The following VIT variants were observed in gnomAD, a reference collection of about 807,000 sequenced individuals.
VIT encodes vitrin.
A neutral mutation model predicts 78.0 loss-of-function variants in VIT; 99 were observed. The ratio of observed to expected loss-of-function variants is 1.27; its 90% CI spans 1.08 to 1.50. The LOEUF (loss-of-function observed/expected upper bound fraction) is 1.50. Among genes scored for constraint, VIT ranks in the 40% most tolerant of loss-of-function variants. The probability of loss-of-function intolerance (pLI) is 0.00; values close to 1 mark genes in which losing one functional copy is unlikely to be tolerated. For synonymous variants in VIT, 374 were observed against 334.3 expected (o/e 1.12, Z -1.29); for missense variants, 1,126 against 875.3 (o/e 1.29, Z -3.61).
At chr2:36,721,815 C>T (rs1171367193) in intron 2 of VIT, among the ~76,000 whole-genome samples, 1 of 152,242 alleles carries the variant, frequency 6.6e-6, no homozygotes, top group Non-Finnish European at 1.5e-5. Context: ...CTCCAGGAAG[C>T]TTCCCTCCAC....
In VIT at chr2:36,728,146, G is replaced by A. The variant is rs192099903; in HGVS notation, c.53-1280G>A. ...GGGTTTCACCATGTTGGCCACACTC[G>A]TCTCAAACTCCTGACCTCAGGCGAT... On this transcript the variant is annotated intron_variant, in intron 2 of 15. Coordinates refer to ENST00000379242, the MANE Select transcript of VIT (RefSeq NM_053276.4). Among the ~76,000 whole-genome samples the A allele has an allele frequency of 1.3e-3, 201 of 151,854 alleles. 1 individual carries two copies. Among genetic ancestry groups the A allele is most frequent in the African/African-American group, 4.7e-3 (193 of 41,378 alleles).
chr2:36,734,992 C>T (rs1478895269), intron 3 of VIT, among the ~76,000 whole-genome samples: 2 of 151,938 alleles, frequency 1.3e-5, no homozygotes, highest in African/African-American at 2.4e-5. Context: ...GATGAAACCC[C>T]GTCTCTACTA....
At chr2:36,760,013 T>G (rs78518761) in intron 6 of VIT, among the ~76,000 whole-genome samples, 8 of 150,190 alleles carry the variant, frequency 5.3e-5, no homozygotes, top group East Asian at 2.0e-4. Context: ...TTTCTTTTTT[T>G]GAGACGGAGT....
chr2:36,700,405 G>A (rs987030216), intron 1 of VIT, among the ~76,000 whole-genome samples: 8 of 151,930 alleles, frequency 5.3e-5, no homozygotes, highest in Admixed American at 3.3e-4. Flanking sequence ...TGGCGGTGGT[G>A]GTGGCGATGT....
At chr2:36,721,717 G>C (rs1184164262) in intron 2 of VIT, among the ~76,000 whole-genome samples, 1 of 151,072 alleles carries the variant, frequency 6.6e-6, no homozygotes, top group Non-Finnish European at 1.5e-5. Flanking sequence ...GATTTCCCTG[G>C]GGAATGCATC....
chr2:36,702,817 T>C (rs1665148502), intron 1 of VIT, among the ~76,000 whole-genome samples: 1 of 152,184 alleles, frequency 6.6e-6, no homozygotes, highest in East Asian at 1.9e-4. Context: ...CCTCCCCTAC[T>C]GCGTTGGGGA....
intron 4 of VIT, among the ~76,000 whole-genome samples, chr2:36,750,852 T>C (rs1296990087): frequency 6.6e-6 from 1 of 152,000 alleles, no homozygotes; most frequent in Admixed American, 6.6e-5. Context: ...AAATAACATG[T>C]AATCTTTTGC....
rs1235603536 is a variant in VIT at position 36,767,143 on chromosome 2, A to G, written c.537A>G (p.Ala179=). The G allele has an allele frequency of 1.2e-6, 2 of 1,608,248 alleles. No homozygotes were observed. Among genetic ancestry groups the G allele is most frequent in the South Asian group, 1.1e-5 (1 of 89,734 alleles). ...GGCCACCTATTCCAGGGACAACTGCACAGCCGGTCACTCTGATGCAGCTTC... is the reference window on the plus strand; with the variant it reads ...GGCCACCTATTCCAGGGACAACTGCGCAGCCGGTCACTCTGATGCAGCTTC... ...YQRPPIPGTT[A]QPVTLMQLLA... is the part of the protein sequence containing the mutation. The change falls in exon 7 of 16, where the codon GCA becomes GCG. Residue 179 remains alanine, a synonymous_variant. Transcript: ENST00000379242.
At chr2:36,778,460 C>A (rs1367673419) in intron 9 of VIT, among the ~76,000 whole-genome samples, 3 of 152,194 alleles carry the variant, frequency 2.0e-5, no homozygotes, top group African/African-American at 7.2e-5. Context: ...TTCTTGGTAC[C>A]ATGAGCTGTG....
At chr2:36,712,293 T>C (rs1156590598) in intron 1 of VIT, among the ~76,000 whole-genome samples, 1 of 152,230 alleles carries the variant, frequency 6.6e-6, no homozygotes, top group Non-Finnish European at 1.5e-5. Context: ...GGTTCCATTA[T>C]TGATAAGCCA....
Position 36,729,347 on chromosome 2 carries a change from C to A in VIT, c.53-79C>A, listed in dbSNP as rs577807070. 17 of 1,271,590 alleles carry A rather than the reference C, an allele frequency of 1.3e-5. No individual in the cohort carries two copies. The Admixed American group carries it at 3.4e-4, about 26-fold the overall frequency. The allele number at this position is 1,271,590 out of a possible 1,614,324, so 78.8% of individuals were successfully genotyped here. A position where few individuals can be genotyped will look rare whatever the true frequency, so the allele number is the denominator to read the frequency against. On this transcript the variant is annotated intron_variant, in intron 2 of 15. Transcript: ENST00000379242. ...CCATGGAGAATACTTTGTGGATGAT[C>A]GAAGCAAGTATGAGTCAAAAGAGAA...
At chr2:36,699,197 C>G (rs976547507) in intron 1 of VIT, among the ~76,000 whole-genome samples, 5 of 152,020 alleles carry the variant, frequency 3.3e-5, no homozygotes, top group African/African-American at 1.2e-4. Context: ...GGCATTTAGC[C>G]ATGGTGCACT....
chr2:36,706,409 A>G (rs1274556805), intron 1 of VIT, among the ~76,000 whole-genome samples: 2 of 152,312 alleles, frequency 1.3e-5, no homozygotes, highest in East Asian at 1.9e-4. Flanking sequence ...AAAAACATCA[A>G]TATCATGCAC....
Position 36,737,114 on chromosome 2 carries a change from A to G in VIT, c.119-5986A>G, listed in dbSNP as rs370836249. 2.0e-5 allele frequency among the ~76,000 whole-genome samples: 3 copies of G among 152,344 alleles called. No individual in the cohort carries two copies. The East Asian group carries it at 5.8e-4, about 29-fold the overall frequency. ...GAATAACAAACAAGGAGTCTACAATAGGACTCCTATTGGTCTTATGAAAGA... is the reference window on the plus strand; with the variant it reads ...GAATAACAAACAAGGAGTCTACAATGGGACTCCTATTGGTCTTATGAAAGA... On this transcript the variant is annotated intron_variant, in intron 3 of 15. Coordinates refer to ENST00000379242, the MANE Select transcript of VIT (RefSeq NM_053276.4).
At chr2:36,759,121 G>A (rs1422470748) in intron 6 of VIT, 75 bp downstream of exon 6, 2 of 1,614,008 alleles carry the variant, frequency 1.2e-6, no homozygotes, top group South Asian at 1.1e-5. Context: ...AGATAGCGGA[G>A]AAATTAACAT....
chr2:36,808,799 A>G lies in VIT; in HGVS notation c.1717A>G (p.Ile573Val), dbSNP rs773041904. 7.4e-6 allele frequency: 12 copies of G among 1,614,128 alleles called. No individual in the cohort carries two copies. Among genetic ancestry groups the G allele is most frequent in the Non-Finnish European group, 1.0e-5 (12 of 1,179,986 alleles). The change falls in exon 15 of 16, where the codon ATC (isoleucine) becomes GTC (valine). Residue 573 changes from isoleucine to valine, a missense_variant. Transcript: ENST00000379242. ...CGACAAGTACAGCAGCAAGCCTGAC[A>G]TCCTCAACGCCATCAAGAGGGTGGG... ...GFDKYSSKPD[I>V]LNAIKRVGYW...
Position 36,807,525 on chromosome 2 carries a change from A to C in VIT, c.1390-947A>C, listed in dbSNP as rs1666819454. Among the ~76,000 whole-genome samples, 3 of 152,354 alleles carry C rather than the reference A, an allele frequency of 2.0e-5. No homozygotes were observed. The South Asian group carries it at 6.2e-4, about 32-fold the overall frequency. ...TTGTGAACTCCATTTAGGTTTTTAC[A>C]AATCAATTTTTGAAAAATATTTTCC... On this transcript the variant is annotated intron_variant, in intron 14 of 15. Transcript: ENST00000379242.
chr2:36,808,782 A>G lies in VIT; in HGVS notation c.1700A>G (p.Tyr567Cys), dbSNP rs375059957. Residue 567 changes from tyrosine to cysteine, a missense_variant, in exon 15 of 16, where the codon TAC becomes TGC. Tyr to Cys is a radical substitution (Grantham distance 194, BLOSUM62 -2). Transcript: ENST00000379242. Reference protein sequence around the residue: ...EQRLEFGFDKYSSKPDILNAI... With the variant: ...EQRLEFGFDKCSSKPDILNAI... ...CGGCTGGAGTTTGGGTTCGACAAGTACAGCAGCAAGCCTGACATCCTCAAC... is the reference window on the plus strand; with the variant it reads ...CGGCTGGAGTTTGGGTTCGACAAGTGCAGCAGCAAGCCTGACATCCTCAAC... 9 of 1,614,012 alleles carry G rather than the reference A, an allele frequency of 5.6e-6. No homozygotes were observed. The African/African-American group carries it at 9.3e-5, about 17-fold the overall frequency.
intron 6 of VIT, among the ~76,000 whole-genome samples, chr2:36,765,030 C>T (rs1455726461): frequency 2.6e-5 from 4 of 151,998 alleles, no homozygotes; most frequent in African/African-American, 9.7e-5. Flanking sequence ...CTGAAAAACA[C>T]CCTGGAAAAG....
Sources: allele counts gnomAD v4.1 joint callset (sites outside exome capture counted in the v4.1 genomes callset), GRCh38; gene constraint gnomAD v4.1.1; transcripts MANE v1.5; gene names NCBI Gene and HGNC (gene_info 2026-07-23, HGNC 2026-07-21).